KIF26B: variants seen among roughly 807,000 people sequenced by gnomAD.
KIF26B encodes kinesin-like protein KIF26B.
In KIF26B, 63 loss-of-function variants were observed where a neutral mutation model predicts 151.2. The ratio of observed to expected loss-of-function variants is 0.42; its 90% CI spans 0.34 to 0.51. The LOEUF (loss-of-function observed/expected upper bound fraction) is 0.51. Ranked by LOEUF, KIF26B falls within the 20% of genes least tolerant of loss-of-function variation. KIF26B has a pLI of 0.07. For synonymous variants in KIF26B, 1,357 were observed against 1,262.1 expected (o/e 1.08, Z -1.59); for missense variants, 2,813 against 2,913.6 (o/e 0.97, Z 0.79).
At chr1:245,559,466 G>A (rs1041901334) in intron 5 of KIF26B, among the ~76,000 whole-genome samples, 1 of 151,984 alleles carries the variant, frequency 6.6e-6, no homozygotes, top group Non-Finnish European at 1.5e-5. Flanking sequence ...ACGTTGGTGT[G>A]CAGTGGTGCG....
chr1:245,619,119 T>C lies in KIF26B; in HGVS notation c.2098+7143T>C, dbSNP rs541044644. ...AGAGTGCCACAGTGCTGGGGCTGTGTCTGCTGCGTGCTGTTGGTGAGCTTG... is the reference window on the plus strand; with the variant it reads ...AGAGTGCCACAGTGCTGGGGCTGTGCCTGCTGCGTGCTGTTGGTGAGCTTG... On this transcript the variant is annotated intron_variant, in intron 9 of 14. Transcript: ENST00000407071. Among the ~76,000 whole-genome samples the C allele has an allele frequency of 9.2e-5, 13 of 141,806 alleles. No homozygotes were observed. In the South Asian group the frequency reaches 2.9e-3, roughly 31 times the overall value. The allele number at this position is 141,806 out of a possible 152,430, so 93.0% of individuals were successfully genotyped here.
rs558560882 is a variant in KIF26B, at chr1:245,563,757, G to A, written c.1350+22807G>A. Among the ~76,000 whole-genome samples the A allele has an allele frequency of 6.6e-6, 1 of 152,142 alleles. No homozygotes were observed. Among genetic ancestry groups the A allele is most frequent in the East Asian group, 1.9e-4 (1 of 5,144 alleles). ...TGTTTAGGTATGTTGTTTAGATTTA[G>A]AATATGTAACGCAATTACCGCTGCG... On this transcript the variant is annotated intron_variant, in intron 5 of 14. Transcript: ENST00000407071. The surrounding 1 kb of genome is among the most constrained non-coding windows in gnomAD (Gnocchi z 4.6).
At chr1:245,346,590 C>T (rs771836354) in intron 2 of KIF26B, among the ~76,000 whole-genome samples, 3 of 152,200 alleles carry the variant, frequency 2.0e-5, no homozygotes, top group Non-Finnish European at 4.4e-5. Context: ...TGTAGACAAT[C>T]CTTCGGTACT....
At position 245,277,642 on chromosome 1, in the gene KIF26B, TA is replaced by T. The variant is rs527282911; in HGVS notation, c.466-89183del. ...TGAAAACAAACAAACAAAAACCACT[TA>T]AAAAAAAAGTAAAAGAAACGTCCTA... On this transcript the variant is annotated intron_variant, in intron 2 of 14. Coordinates refer to ENST00000407071, the MANE Select transcript of KIF26B (RefSeq NM_018012.4). Among the ~76,000 whole-genome samples, 519 of 151,570 alleles carry T rather than the reference TA, an allele frequency of 3.4e-3. 3 individuals are homozygous for T. Among genetic ancestry groups the T allele is most frequent in the African/African-American group, 0.012 (479 of 41,362 alleles).
At chr1:245,192,616 A>T (rs1279559323) in intron 2 of KIF26B, among the ~76,000 whole-genome samples, 1 of 152,226 alleles carries the variant, frequency 6.6e-6, no homozygotes, top group Non-Finnish European at 1.5e-5. Flanking sequence ...AAAATAATAT[A>T]AACTTCCAGG....
intron 2 of KIF26B, among the ~76,000 whole-genome samples, chr1:245,351,062 C>CTTACTGTAGA (rs1672558017): frequency 6.6e-6 from 1 of 152,200 alleles, no homozygotes; most frequent in African/African-American, 2.4e-5. Context: ...AGACATGGAT[C>CTTACTGTAGA]TTACTGTAGA....
At chr1:245,271,314 G>A (rs1670852660) in intron 2 of KIF26B, among the ~76,000 whole-genome samples, 1 of 152,076 alleles carries the variant, frequency 6.6e-6, no homozygotes, top group Non-Finnish European at 1.5e-5. Flanking sequence ...GAATTTGCTA[G>A]GAATTTCATT....
intron 2 of KIF26B, among the ~76,000 whole-genome samples, chr1:245,200,394 A>T (rs1234913027): frequency 3.3e-5 from 5 of 152,224 alleles, no homozygotes; most frequent in African/African-American, 1.2e-4. Context: ...GACTTTGAGG[A>T]AGGAATATTG....
chr1:245,454,573 T>A (rs1234621100), intron 4 of KIF26B, among the ~76,000 whole-genome samples: 1 of 152,168 alleles, frequency 6.6e-6, no homozygotes, highest in East Asian at 1.9e-4. Flanking sequence ...CCTTAGCCTT[T>A]TCCTTTGATA....
chr1:245,640,543 A>G (rs1302504920), intron 9 of KIF26B, among the ~76,000 whole-genome samples: 1 of 151,908 alleles, frequency 6.6e-6, no homozygotes, highest in Non-Finnish European at 1.5e-5. Context: ...AGGCCTTCCT[A>G]CTGCCATTTT....
chr1:245,533,671 G>C (rs1661426987), intron 4 of KIF26B, among the ~76,000 whole-genome samples: 1 of 152,046 alleles, frequency 6.6e-6, no homozygotes, highest in African/African-American at 2.4e-5. Context: ...AGACACTAAG[G>C]ATAGGAGATT....
chr1:245,345,297 C>T (rs1239303373), intron 2 of KIF26B, among the ~76,000 whole-genome samples: 1 of 152,152 alleles, frequency 6.6e-6, no homozygotes, highest in Admixed American at 6.5e-5. Context: ...AACCTCATCC[C>T]CTCCCTCCTT....
At chr1:245,267,021 A>G (rs1339766581) in intron 2 of KIF26B, among the ~76,000 whole-genome samples, 1 of 152,196 alleles carries the variant, frequency 6.6e-6, no homozygotes, top group Non-Finnish European at 1.5e-5. Flanking sequence ...CTTCTTCTCC[A>G]CAGTGCATAT....
At chr1:245,616,365 G>A (rs187168877) in intron 9 of KIF26B, among the ~76,000 whole-genome samples, 107 of 152,314 alleles carry the variant, frequency 7.0e-4, no homozygotes, top group Non-Finnish European at 8.7e-4. Context: ...GGGAATCCCA[G>A]CACTGGGAAA....
intron 2 of KIF26B, among the ~76,000 whole-genome samples, chr1:245,353,097 TAGTC>T (rs781506289): frequency 6.6e-6 from 1 of 152,250 alleles, no homozygotes; most frequent in Non-Finnish European, 1.5e-5. Context: ...CTGTTAAAGA[TAGTC>T]AGAAGGCTGT....
intron 3 of KIF26B, among the ~76,000 whole-genome samples, chr1:245,401,892 AACAC>A (rs1239651968): frequency 6.7e-6 from 1 of 148,362 alleles, no homozygotes; most frequent in Non-Finnish European, 1.5e-5. Flanking sequence ...CAAACAAAGA[AACAC>A]ACACACACAA....
At chr1:245,172,682 C>T (rs73125030) in intron 2 of KIF26B, among the ~76,000 whole-genome samples, 4,706 of 152,160 alleles carry the variant, frequency 0.031, 172 homozygotes, top group African/African-American at 0.093. Flanking sequence ...TGGTTGTATG[C>T]GCCTGTAATT....
intron 5 of KIF26B, among the ~76,000 whole-genome samples, chr1:245,592,386 G>T (rs756358256): frequency 6.6e-6 from 1 of 152,178 alleles, no homozygotes; most frequent in African/African-American, 2.4e-5. Flanking sequence ...TTCCACCTTC[G>T]CCAGGCAGGT....
intron 2 of KIF26B, among the ~76,000 whole-genome samples, chr1:245,190,061 A>C (rs1669072297): frequency 7.3e-6 from 1 of 136,826 alleles, no homozygotes; most frequent in Admixed American, 7.7e-5. Context: ...GAATTATGGG[A>C]GCTACAATTC....
Sources: allele counts gnomAD v4.1 joint callset (sites outside exome capture counted in the v4.1 genomes callset), GRCh38; gene constraint gnomAD v4.1.1; non-coding constraint Gnocchi (gnomAD v3.1); transcripts MANE v1.5; gene names NCBI Gene and HGNC (gene_info 2026-07-23, HGNC 2026-07-21).